Variants in VWF observed in about 807,000 individuals in gnomAD.
VWF encodes the protein Factor VIII related antigen.
VWF carries 176 observed loss-of-function variants against 308.6 expected under a neutral mutation model. That is an observed-to-expected ratio of 0.57 (90% CI 0.50 to 0.65). The LOEUF (loss-of-function observed/expected upper bound fraction) is 0.65. VWF is among the 30% of genes least tolerant of loss of function. The pLI, the probability that VWF is intolerant of heterozygous loss-of-function variation, is 0.00. For synonymous variants in VWF, 1,385 were observed against 1,443.4 expected, an observed-to-expected ratio of 0.96 and a Z score of 0.92; for missense variants, 3,146 against 3,648.2, an observed-to-expected ratio of 0.86 and a Z score of 3.55.
intron 18 of VWF, among the ~76,000 whole-genome samples, chr12:6,037,620 G>C (rs1248307832): frequency 1.3e-5 from 2 of 152,198 alleles, no homozygotes; most frequent in African/African-American, 4.8e-5. Context: ...GACTCCAAGG[G>C]GCAGCCCTGG....
chr12:6,104,385 T>TA (rs750869356), intron 5 of VWF, among the ~76,000 whole-genome samples: 355 of 141,984 alleles, frequency 2.5e-3, no homozygotes, highest in Non-Finnish European at 3.3e-3. Context: ...CAAAGAACTT[T>TA]AAAAAAAAAA....
chr12:5,952,114 T>C (rs557882716), intron 49 of VWF, among the ~76,000 whole-genome samples: 10 of 152,336 alleles, frequency 6.6e-5, no homozygotes, highest in African/African-American at 2.4e-4. Flanking sequence ...AGGATCTTCA[T>C]TCCCAGGGAG....
chr12:5,964,828 C>T (rs1483202161), intron 47 of VWF, among the ~76,000 whole-genome samples: 1 of 151,800 alleles, frequency 6.6e-6, no homozygotes, highest in Non-Finnish European at 1.5e-5. Flanking sequence ...GGCAGTTATG[C>T]GAGAAGAAAG....
At chr12:5,989,626 A>C (rs904657903) in intron 38 of VWF, among the ~76,000 whole-genome samples, 9 of 152,236 alleles carry the variant, frequency 5.9e-5, no homozygotes, top group African/African-American at 2.2e-4. Flanking sequence ...ATACAACTTG[A>C]ATGCATATTC....
intron 13 of VWF, among the ~76,000 whole-genome samples, chr12:6,059,587 C>G (rs576698316): frequency 6.6e-6 from 1 of 152,096 alleles, no homozygotes; most frequent in African/African-American, 2.4e-5. Context: ...ATAGATGGTG[C>G]CTTCTAGCTG....
Position 5,976,630 on chromosome 12 carries a change from T to G in VWF, c.7288-370A>C, listed in dbSNP as rs372444248. On this transcript the variant is annotated intron_variant, in intron 42 of 51. Coordinates refer to ENST00000261405, the MANE Select transcript of VWF (RefSeq NM_000552.5). ...ACATGCCCAGACCCAGTAATGTCCT[T>G]GGACTTGGAGCCCATCCTCATCGAG... Among the ~76,000 whole-genome samples the G allele has an allele frequency of 2.6e-4, 39 of 151,990 alleles. 1 individual carries two copies. Among genetic ancestry groups the G allele is most frequent in the African/African-American group, 9.2e-4 (38 of 41,450 alleles).
intron 12 of VWF, among the ~76,000 whole-genome samples, chr12:6,064,018 C>A (rs1429529253): frequency 6.6e-6 from 1 of 152,244 alleles, no homozygotes; most frequent in Non-Finnish European, 1.5e-5. Context: ...TCTAGAGCAA[C>A]CTCTTCATCT....
intron 15 of VWF, among the ~76,000 whole-genome samples, chr12:6,053,760 T>C (rs1944545579): frequency 1.3e-5 from 2 of 152,186 alleles, no homozygotes; most frequent in African/African-American, 4.8e-5. Flanking sequence ...AGCTAACACA[T>C]TTAGAAGAAT....
At chr12:6,106,810 G>T (rs1945248868) in intron 5 of VWF, among the ~76,000 whole-genome samples, 1 of 150,452 alleles carries the variant, frequency 6.6e-6, no homozygotes, top group Non-Finnish European at 1.5e-5. Context: ...GGGAGGCGGA[G>T]GTTGGAGTGA....
intron 18 of VWF, among the ~76,000 whole-genome samples, chr12:6,039,069 C>T (rs956284765): frequency 2.0e-5 from 3 of 152,116 alleles, no homozygotes; most frequent in Non-Finnish European, 4.4e-5. Context: ...GCACAACAGT[C>T]CCTGGCCAAA....
chr12:6,027,838 T>C (rs572600800), intron 22 of VWF, among the ~76,000 whole-genome samples: 33 of 109,286 alleles, frequency 3.0e-4, no homozygotes, highest in Middle Eastern at 4.0e-3. Flanking sequence ...AACAAATACA[T>C]GGAAGACACA....
chr12:6,038,176 T>G (rs1374417268), intron 18 of VWF, among the ~76,000 whole-genome samples: 2 of 152,130 alleles, frequency 1.3e-5, no homozygotes, highest in Non-Finnish European at 2.9e-5. Flanking sequence ...AGCAGAGCAT[T>G]CAAAGCCTCT....
intron 2 of VWF, 93 bp from the exon 3 acceptor site, chr12:6,121,431 CCT>C (rs1289735325): frequency 6.7e-7 from 1 of 1,486,046 alleles, no homozygotes. Context: ...AATTAGACTG[CCT>C]CTGATAGAAA....
chr12:5,963,535 T>C (rs1271606198), intron 47 of VWF, among the ~76,000 whole-genome samples: 2 of 152,212 alleles, frequency 1.3e-5, no homozygotes, highest in African/African-American at 2.4e-5. Flanking sequence ...CATAGAATGC[T>C]GGAAAAAACT....
chr12:5,949,735 C>A (rs532052095), intron 51 of VWF, 51 bp downstream of exon 51: 29 of 1,552,132 alleles, frequency 1.9e-5, no homozygotes, highest in African/African-American at 1.4e-4. Context: ...GGTATCCGAA[C>A]ACGGAGGCTC....
Position 6,046,929 on chromosome 12 carries a change from T to C in VWF, c.2187-112A>G. On this transcript the variant is annotated intron_variant, in intron 16 of 51. Coordinates refer to ENST00000261405, the MANE Select transcript of VWF (RefSeq NM_000552.5). This position sits in a 1 kb window ranked among gnomAD's most constrained non-coding sequence, Gnocchi z 5.0. ...CCCTTCCAACCAGGTCCCAGTCCCA[T>C]AACCCCTCCTGAAGCACAGCTTGCT... The C allele has an allele frequency of 3.3e-6, 3 of 895,854 alleles. No homozygotes were observed. The highest frequency in any genetic ancestry group is 2.6e-5 in the East Asian group (1 of 38,316). The allele number at this position is 895,854 out of a possible 1,614,324, so 55.5% of individuals were successfully genotyped here. A position where few individuals can be genotyped will look rare whatever the true frequency, so the allele number is the denominator to read the frequency against.
intron 40 of VWF, among the ~76,000 whole-genome samples, chr12:5,984,398 T>C (rs927771162): frequency 6.6e-6 from 1 of 152,234 alleles, no homozygotes; most frequent in African/African-American, 2.4e-5. Flanking sequence ...TTTCTCCGAT[T>C]ATATGATTTT....
chr12:6,092,325 C>T (rs962565344), intron 6 of VWF, among the ~76,000 whole-genome samples: 2 of 151,822 alleles, frequency 1.3e-5, no homozygotes, highest in Non-Finnish European at 2.9e-5. Flanking sequence ...CCAGCAGGGA[C>T]TCCCTTCCCT....
chr12:6,121,026 G>C (rs140115282), intron 3 of VWF, 148 bp downstream of exon 3: 6 of 1,090,602 alleles, frequency 5.5e-6, no homozygotes, highest in African/African-American at 1.6e-5. Context: ...GAGGGGCTAC[G>C]TGTCACAGAA....
Sources: allele counts gnomAD v4.1 joint callset (sites outside exome capture counted in the v4.1 genomes callset), GRCh38; gene constraint gnomAD v4.1.1; non-coding constraint Gnocchi (gnomAD v3.1); transcripts MANE v1.5; gene names NCBI Gene and HGNC (gene_info 2026-07-23, HGNC 2026-07-21).